The following ZNF655 variants were observed in gnomAD, a reference collection of about 807,000 sequenced individuals.
ZNF655 encodes the protein zinc finger protein 655, also known as Vav-interacting Kruppel-like protein 1.
In ZNF655, 3 loss-of-function variants were observed where a neutral mutation model predicts 6.6. The ratio of observed to expected loss-of-function variants is 0.46; its 90% confidence interval spans 0.21 to 1.18. The LOEUF is 1.18. ZNF655 is among the 50% of genes most tolerant of loss of function. The pLI is 0.24. For synonymous variants in ZNF655, 178 were observed against 195.0 expected (o/e 0.91, Z 0.73); for missense variants, 526 against 572.3 (o/e 0.92, Z 0.83).
chr7:99,564,218 C>T (rs1366664231), intron 2 of ZNF655: 1 of 1,364,930 alleles, frequency 7.3e-7, no homozygotes, highest in Non-Finnish European at 9.4e-7. Flanking sequence ...ATTCAGAAAC[C>T]ATGGTTGGTG....
chr7:99,565,399 G>C (rs765189685), intron 2 of ZNF655, among the ~76,000 whole-genome samples: 1 of 152,094 alleles, frequency 6.6e-6, no homozygotes, highest in African/African-American at 2.4e-5. Context: ...TCGATCTCCT[G>C]ACCTCGTGAT....
Position 99,573,726 on chromosome 7 carries a change from C to A in ZNF655, c.*142C>A. ...AGCCATTGCTCAGCATCAGATAATT[C>A]ACACCAGAGAGAAACCCTCTGAATG... On this transcript the variant is annotated 3_prime_UTR_variant, in exon 3 of 3. Transcript: ENST00000252713. 1 of 964,192 alleles carries A rather than the reference C, an allele frequency of 1.0e-6. No individual in the cohort carries two copies. Among genetic ancestry groups the A allele is most frequent in the Non-Finnish European group, 1.5e-6 (1 of 657,530 alleles). 59.7% of individuals were successfully genotyped at this position (964,192 alleles called of 1,614,324 possible). A position where few individuals can be genotyped will look rare whatever the true frequency, so the allele number is the denominator to read the frequency against.
chr7:99,570,440 A>G (rs573759687), intron 2 of ZNF655: 13 of 152,310 alleles, frequency 8.5e-5, no homozygotes, highest in Admixed American at 5.2e-4. Context: ...AGGCTCTCAC[A>G]TGGAATCTTT....
rs147805492 is a variant in ZNF655 at position 99,568,655 on chromosome 7, A to G, written c.137-3590A>G. ...TAATTTTTTGTAGAGATGGAGTCTCACTATGTTCCCCAAGCAGGTCTCAAA... is the reference window on the plus strand; with the variant it reads ...TAATTTTTTGTAGAGATGGAGTCTCGCTATGTTCCCCAAGCAGGTCTCAAA... On this transcript the variant is annotated intron_variant, in intron 2 of 2. Coordinates refer to ENST00000252713, the MANE Select transcript of ZNF655 (RefSeq NM_138494.3). Among the ~76,000 whole-genome samples the G allele has an allele frequency of 5.6e-3, 846 of 152,104 alleles. 6 individuals are homozygous for G. The highest frequency in any genetic ancestry group is 0.02 in the African/African-American group (814 of 41,458).
Position 99,573,096 on chromosome 7 carries a change from T to C in ZNF655, c.988T>C (p.Cys330Arg). Residue 330 changes from cysteine to arginine, a missense_variant, in exon 3 of 3, where the codon TGT (cysteine) becomes CGT (arginine). Physicochemically the swap from Cys to Arg is radical, Grantham distance 180 (BLOSUM62 -3). Transcript: ENST00000252713. Reference protein sequence around the residue: ...QHQKIHKEMPCKCTVCGSDFC... With the variant: ...QHQKIHKEMPRKCTVCGSDFC... ...TCAGAAAATTCACAAAGAGATGCCC[T>C]GTAAGTGTACTGTATGTGGCAGTGA... 6.2e-7 allele frequency: 1 copy of C among 1,614,160 alleles called. No individual in the cohort carries two copies. The highest frequency in any genetic ancestry group is 8.5e-7 in the Non-Finnish European group (1 of 1,180,006).
Position 99,572,286 on chromosome 7 carries a change from C to A in ZNF655, c.178C>A (p.Gln60Lys). Residue 60 changes from glutamine (Q) to lysine (K), a missense_variant, in exon 3 of 3, where the codon CAG becomes AAG. By Grantham distance (53) the Gln-to-Lys change is moderately conservative. Transcript: ENST00000252713. ...REENKLLIPKQKISEEVHSYK... is the reference protein window; with the variant it reads ...REENKLLIPKKKISEEVHSYK... ...AGAGAACAAGCTGTTGATTCCTAAG[C>A]AGAAAATTTCGGAAGAAGTGCATTC... 1 of 1,610,588 alleles carries A rather than the reference C, an allele frequency of 6.2e-7. No homozygotes were observed. Among genetic ancestry groups the A allele is most frequent in the African/African-American group, 1.3e-5 (1 of 74,882 alleles).
chr7:99,564,299 T>C (rs1375770373), intron 2 of ZNF655: 2 of 1,269,912 alleles, frequency 1.6e-6, no homozygotes, highest in Non-Finnish European at 2.0e-6. Flanking sequence ...TCTTTTCATA[T>C]TATTTTAGAA....
intron 2 of ZNF655, among the ~76,000 whole-genome samples, 182 bp from the exon 3 acceptor site, chr7:99,572,063 C>T (rs1477883327): frequency 6.6e-6 from 1 of 152,172 alleles, no homozygotes; most frequent in Non-Finnish European, 1.5e-5. Context: ...CGCTGTTTTA[C>T]CTCACTGCTC....
chr7:99,571,340 A>C (rs1804054400), intron 2 of ZNF655: 1 of 1,284,412 alleles, frequency 7.8e-7, no homozygotes, highest in Non-Finnish European at 1.0e-6. Context: ...CTCCATTTTG[A>C]TACTTGTAGA....
In ZNF655 at chr7:99,560,569, AT is replaced by A. The variant is rs781391706; in HGVS notation, c.11del (p.Ile4AsnfsTer53). The stretch of plus-strand genomic sequence containing the variant: ...GTCCTCCAGAGCAGTGATGGAGGAA[AT>A]ACCAGCCCAGGAAGCAGCAGGGTCA... MEE[I>X]PAQEAAGSPR... is the part of the protein sequence containing the mutation. On this transcript the variant is annotated frameshift_variant, in exon 2 of 3. Transcript: ENST00000252713. LOFTEE classifies it high-confidence loss of function. 6.2e-7 allele frequency: 1 copy of A among 1,614,076 alleles called. No individual in the cohort carries two copies. The highest frequency in any genetic ancestry group is 8.5e-7 in the Non-Finnish European group (1 of 1,179,946).
intron 2 of ZNF655, among the ~76,000 whole-genome samples, chr7:99,567,429 A>T (rs1285115288): frequency 6.6e-6 from 1 of 151,316 alleles, no homozygotes; most frequent in Non-Finnish European, 1.5e-5. Flanking sequence ...GCTACTCTGG[A>T]GGCTGAGGCA....
rs754298188 is a variant in ZNF655 at position 99,573,143 on chromosome 7, A to T, written c.1035A>T (p.Leu345=). ...CGSDFCHTSY[L]LEHQRVHHEE... ...GTGACTTCTGCCATACTTCATACCTACTTGAACATCAGAGGGTCCATCATG... is the reference window on the plus strand; with the variant it reads ...GTGACTTCTGCCATACTTCATACCTTCTTGAACATCAGAGGGTCCATCATG... The change falls in exon 3 of 3, where the codon CTA becomes CTT. Residue 345 remains leucine (L), a synonymous_variant. Coordinates refer to ENST00000252713, the MANE Select transcript of ZNF655 (RefSeq NM_138494.3). The T allele has an allele frequency of 3.1e-6, 5 of 1,614,116 alleles. No homozygotes were observed. Among genetic ancestry groups the T allele is most frequent in the Non-Finnish European group, 4.2e-6 (5 of 1,179,980 alleles).
chr7:99,564,440 C>T, intron 2 of ZNF655: 1 of 1,013,712 alleles, frequency 9.9e-7, no homozygotes, highest in Non-Finnish European at 1.2e-6. Flanking sequence ...CCTTGAAGTC[C>T]CTGTGGCCCT....
At chr7:99,562,516 G>T (rs181062863) in intron 2 of ZNF655, 1 of 1,601,924 alleles carries the variant, frequency 6.2e-7, no homozygotes, top group Non-Finnish European at 8.5e-7. Context: ...CTTATTATTC[G>T]GTTTATCTAT....
rs1165289518 is a variant in ZNF655 at position 99,571,406 on chromosome 7, A to C, written c.137-839A>C. The stretch of plus-strand genomic sequence containing the variant: ...TAACAGATGGAGAGTGATAATGATA[A>C]CTTCTGTGAAGACAAACCCATGCAC... On this transcript the variant is annotated intron_variant, in intron 2 of 2. Coordinates refer to ENST00000252713, the MANE Select transcript of ZNF655 (RefSeq NM_138494.3). 2.4e-6 allele frequency: 3 copies of C among 1,228,382 alleles called. No individual in the cohort carries two copies. In the African/African-American group the frequency reaches 4.7e-5, roughly 19 times the overall value. The allele number at this position is 1,228,382 out of a possible 1,614,324, so 76.1% of individuals were successfully genotyped here. A position where few individuals can be genotyped will look rare whatever the true frequency, so the allele number is the denominator to read the frequency against.
chr7:99,564,560 G>C, intron 2 of ZNF655: 1 of 985,586 alleles, frequency 1.0e-6, no homozygotes, highest in Non-Finnish European at 1.2e-6. Context: ...TGATGGAGGG[G>C]AGAAGGGAGG....
At chr7:99,569,028 G>C (rs1803842833) in intron 2 of ZNF655, among the ~76,000 whole-genome samples, 1 of 151,572 alleles carries the variant, frequency 6.6e-6, no homozygotes, top group Non-Finnish European at 1.5e-5. Context: ...GAAGTGATCT[G>C]TCCGTCATGG....
Position 99,573,319 on chromosome 7 carries a change from G to A in ZNF655, c.1211G>A (p.Gly404Glu), listed in dbSNP as rs1335620094. 3 of 1,614,162 alleles carry A rather than the reference G, an allele frequency of 1.9e-6. No individual in the cohort carries two copies. Among genetic ancestry groups the A allele is most frequent in the East Asian group, 4.5e-5 (2 of 44,880 alleles). Reference sequence around the variant, plus strand: ...ATTCAGCATCAAAGAATTCACACAGGAGAGAAAGCACATGAATGTAATGAA... The same window carrying A: ...ATTCAGCATCAAAGAATTCACACAGAAGAGAAAGCACATGAATGTAATGAA... ...HLIQHQRIHT[G>E]EKAHECNECG... The change falls in exon 3 of 3, where the codon GGA becomes GAA. Residue 404 changes from glycine to glutamate, a missense_variant. Transcript: ENST00000252713.
intron 2 of ZNF655, chr7:99,562,398 C>T: frequency 1.2e-6 from 2 of 1,614,148 alleles, no homozygotes; most frequent in Non-Finnish European, 1.7e-6. Context: ...TGTGGCTGTG[C>T]ACCTTACTCG....
Sources: gnomAD v4.1 joint callset for allele counts (sites outside exome capture counted in the v4.1 genomes callset) on GRCh38, gnomAD v4.1.1 for gene constraint, MANE v1.5 for transcripts, NCBI Gene and HGNC (gene_info 2026-07-23, HGNC 2026-07-21) for gene names.